The following GRID1 variants were observed in gnomAD, a reference collection of about 807,000 sequenced individuals.
GRID1 encodes the protein glutamate receptor ionotropic, delta-1.
Under a neutral mutation model 98.0 loss-of-function variants are expected in GRID1, and 28 were observed. The ratio of observed to expected loss-of-function variants is 0.29; its 90% CI spans 0.21 to 0.39. GRID1 has a LOEUF of 0.39. Among genes scored for constraint, GRID1 ranks in the 10% least tolerant of loss-of-function variants. The pLI is 1.00. For missense variants in GRID1, 1,111 were observed against 1,340.5 expected (o/e 0.83, Z 2.67); for synonymous variants, 553 against 538.5 (o/e 1.03, Z -0.37).
At chr10:85,720,080 G>A (rs1347615327) in intron 12 of GRID1, among the ~76,000 whole-genome samples, 1 of 152,028 alleles carries the variant, frequency 6.6e-6, no homozygotes, top group East Asian at 1.9e-4. Flanking sequence ...AAAAGATCAG[G>A]ATAATAGTAA....
intron 2 of GRID1, among the ~76,000 whole-genome samples, chr10:86,361,698 T>TGTAA (rs1380724329): frequency 6.6e-6 from 1 of 152,230 alleles, no homozygotes; most frequent in Non-Finnish European, 1.5e-5. Context: ...ATTATTTTAT[T>TGTAA]AGTTGGCAAT....
intron 4 of GRID1, among the ~76,000 whole-genome samples, chr10:86,089,943 C>T (rs576707172): frequency 5.4e-4 from 82 of 152,166 alleles, no homozygotes; most frequent in African/African-American, 1.3e-3. Context: ...GATGGAGTTT[C>T]GCCATGTTGG....
At chr10:85,714,622 C>CA (rs982297555) in intron 12 of GRID1, among the ~76,000 whole-genome samples, 2 of 151,686 alleles carry the variant, frequency 1.3e-5, no homozygotes, top group Non-Finnish European at 2.9e-5. Flanking sequence ...GCAAACAAAT[C>CA]AAAAAACAAT....
chr10:86,003,333 G>A (rs1375221411), intron 4 of GRID1, among the ~76,000 whole-genome samples: 5 of 152,244 alleles, frequency 3.3e-5, no homozygotes, highest in African/African-American at 1.2e-4. Context: ...GGATGGGAGA[G>A]CCCATGAGGC....
At chr10:86,311,544 T>C (rs554989369) in intron 2 of GRID1, among the ~76,000 whole-genome samples, 1 of 152,158 alleles carries the variant, frequency 6.6e-6, no homozygotes, top group Non-Finnish European at 1.5e-5. Context: ...ACCACACTTG[T>C]ATGATAAATG....
chr10:86,334,281 C>G (rs1848193725), intron 2 of GRID1, among the ~76,000 whole-genome samples: 1 of 152,150 alleles, frequency 6.6e-6, no homozygotes, highest in South Asian at 2.1e-4. Context: ...CGTTCCATCT[C>G]CCTCATTTAC....
intron 2 of GRID1, among the ~76,000 whole-genome samples, chr10:86,254,018 G>T (rs950237580): frequency 6.6e-6 from 1 of 151,612 alleles, no homozygotes; most frequent in African/African-American, 2.4e-5. Flanking sequence ...ACCTTGATTT[G>T]TCACCTGTCA....
intron 4 of GRID1, among the ~76,000 whole-genome samples, chr10:85,993,549 A>C (rs542976955): frequency 5.6e-4 from 85 of 152,262 alleles, no homozygotes; most frequent in Non-Finnish European, 9.6e-4. Context: ...TAATCCTCCT[A>C]CAAGTCTGCA....
At chr10:86,244,522 A>G (rs1179551517) in intron 2 of GRID1, among the ~76,000 whole-genome samples, 3 of 152,246 alleles carry the variant, frequency 2.0e-5, no homozygotes, top group Non-Finnish European at 4.4e-5. Flanking sequence ...CTGCTCAGAC[A>G]CCGCACCATT....
intron 4 of GRID1, among the ~76,000 whole-genome samples, chr10:86,090,597 G>A (rs961120647): frequency 6.6e-5 from 10 of 152,078 alleles, no homozygotes; most frequent in Non-Finnish European, 1.2e-4. Context: ...AGATGGGGCT[G>A]AAAAAGTACT....
intron 8 of GRID1, among the ~76,000 whole-genome samples, chr10:85,785,133 C>T (rs925844835): frequency 6.6e-6 from 1 of 152,216 alleles, no homozygotes; most frequent in African/African-American, 2.4e-5. Context: ...CTTGTGCACC[C>T]TAGCAATCAG....
At chr10:85,840,148 A>G (rs986555863) in intron 8 of GRID1, among the ~76,000 whole-genome samples, 1 of 152,064 alleles carries the variant, frequency 6.6e-6, no homozygotes, top group Non-Finnish European at 1.5e-5. Context: ...GACCAGAGAG[A>G]TTCACAGCTG....
intron 3 of GRID1, among the ~76,000 whole-genome samples, chr10:86,180,134 G>A (rs1233315335): frequency 6.6e-6 from 1 of 152,148 alleles, no homozygotes; most frequent in Non-Finnish European, 1.5e-5. Context: ...TGGAGTGGTG[G>A]AGAGGTGCAG....
chr10:86,309,740 A>G (rs1164417970), intron 2 of GRID1, among the ~76,000 whole-genome samples: 1 of 152,202 alleles, frequency 6.6e-6, no homozygotes, highest in Non-Finnish European at 1.5e-5. Flanking sequence ...ACGTCCAATA[A>G]GTAGAATGGG....
At chr10:86,257,176 A>G (rs1212119779) in intron 2 of GRID1, among the ~76,000 whole-genome samples, 2 of 152,252 alleles carry the variant, frequency 1.3e-5, no homozygotes, top group East Asian at 3.8e-4. Flanking sequence ...TTGGATTTCA[A>G]TGAGGTATTC....
At chr10:85,671,791 A>C (rs10887514) in intron 12 of GRID1, among the ~76,000 whole-genome samples, 52,681 of 152,108 alleles carry the variant, frequency 0.35, 9,758 homozygotes, top group African/African-American at 0.48. Context: ...ACTAAAAGTG[A>C]AACTCCAGTG....
At chr10:86,016,084 G>A (rs1178764710) in intron 4 of GRID1, among the ~76,000 whole-genome samples, 2 of 151,756 alleles carry the variant, frequency 1.3e-5, no homozygotes, top group African/African-American at 4.8e-5. Flanking sequence ...AGTCTCAGAA[G>A]AGTGGTAGGA....
At chr10:86,202,061 TAG>T (rs1273451155) in intron 3 of GRID1, among the ~76,000 whole-genome samples, 3 of 152,226 alleles carry the variant, frequency 2.0e-5, no homozygotes, top group African/African-American at 7.2e-5. Flanking sequence ...CTAGCACAAA[TAG>T]ACAGTGGCCA....
intron 2 of GRID1, among the ~76,000 whole-genome samples, chr10:86,311,759 G>A (rs1188003880): frequency 6.6e-6 from 1 of 152,196 alleles, no homozygotes; most frequent in African/African-American, 2.4e-5. Flanking sequence ...ACTTTGGGAG[G>A]CTGACGTGGG....
Sources: gnomAD v4.1 joint callset for allele counts (sites outside exome capture counted in the v4.1 genomes callset) on GRCh38, gnomAD v4.1.1 for gene constraint, MANE v1.5 for transcripts, NCBI Gene and HGNC (gene_info 2026-07-23, HGNC 2026-07-21) for gene names.